Variants in ITGA7 observed in about 807,000 individuals in gnomAD.
ITGA7 encodes the protein integrin alpha-7.
A neutral mutation model predicts 131.6 loss-of-function variants in ITGA7; 84 were observed. The ratio of observed to expected loss-of-function variants is 0.64; its 90% CI spans 0.54 to 0.77. The LOEUF (loss-of-function observed/expected upper bound fraction) is 0.77. Ranked by LOEUF, ITGA7 falls within the 30% of genes least tolerant of loss-of-function variation. The probability of loss-of-function intolerance (pLI) is 0.00; values close to 1 mark genes in which losing one functional copy is unlikely to be tolerated. For synonymous variants in ITGA7, 548 were observed against 600.7 expected, an observed-to-expected ratio of 0.91 and a Z score of 1.28; for missense variants, 1,399 against 1,482.9, an observed-to-expected ratio of 0.94 and a Z score of 0.93.
chr12:55,711,477 C>CAAAA (rs34371136), upstream of ITGA7, among the ~76,000 whole-genome samples: 2 of 139,658 alleles, frequency 1.4e-5, no homozygotes, highest in Non-Finnish European at 1.6e-5. Context: ...GACTCTGCCT[C>CAAAA]AAAAAAAAAA....
At chr12:55,689,277 G>A (rs754612894) in intron 21 of ITGA7, among the ~76,000 whole-genome samples, 11 of 152,156 alleles carry the variant, frequency 7.2e-5, no homozygotes, top group Non-Finnish European at 8.8e-5. Flanking sequence ...CTTAAGCTTC[G>A]CAATAGTCCT....
chr12:55,695,043 C>T, intron 14 of ITGA7, 73 bp from the exon 15 acceptor site: 1 of 1,450,808 alleles, frequency 6.9e-7, no homozygotes, highest in South Asian at 1.2e-5. Context: ...AGTCTGCTCC[C>T]CCAGTACCTG....
In ITGA7 at chr12:55,697,199, G is replaced by A. The variant is rs779675449; in HGVS notation, c.1567+17C>T. The A allele has an allele frequency of 6.3e-6, 10 of 1,591,048 alleles. No homozygotes were observed. In the South Asian group the frequency reaches 1.0e-4, roughly 16 times the overall value. On this transcript the variant is annotated intron_variant, in intron 11 of 24. Transcript: ENST00000257879. ...GAAACCCAAAAGGGCGAGCCACAGA[G>A]GGGGGACCGCACTCACCCACAGTAG...
intron 19 of ITGA7, 50 bp from the exon 20 acceptor site, chr12:55,693,367 T>C (rs774528724): frequency 3.3e-6 from 5 of 1,524,844 alleles, no homozygotes; most frequent in Admixed American, 1.8e-5. Context: ...TTTCTTTTTT[T>C]TTTTTTTTTA....
In ITGA7 at chr12:55,701,023, C is replaced by CT; in HGVS notation, c.545dup (p.Phe183ValfsTer3). On this transcript the variant is annotated frameshift_variant, in exon 4 of 25. Coordinates refer to ENST00000257879, the MANE Select transcript of ITGA7 (RefSeq NM_002206.3). LOFTEE classifies it high-confidence loss of function. ...GGCCTTGGGGGCGTCCCTCACAGAACTTCCATTCCCCACCATCCAACTCAT... is the reference window on the plus strand; with the variant it reads ...GGCCTTGGGGGCGTCCCTCACAGAACTTTCCATTCCCCACCATCCAACTCAT... 2 of 1,614,222 alleles carry CT rather than the reference C, an allele frequency of 1.2e-6. No homozygotes were observed. The highest frequency in any genetic ancestry group is 1.7e-6 in the Non-Finnish European group (2 of 1,180,038).
intron 7 of ITGA7, 75 bp from the exon 8 acceptor site, chr12:55,698,101 A>G (rs1873064492): frequency 3.0e-6 from 4 of 1,324,376 alleles, no homozygotes; most frequent in South Asian, 2.4e-5. Flanking sequence ...AACTCCCCCC[A>G]GTCACTCAGG....
rs1869750779 is a variant in ITGA7 at position 55,685,030 on chromosome 12, G to C, written c.*28C>G. On this transcript the variant is annotated 3_prime_UTR_variant, in exon 25 of 25. Coordinates refer to ENST00000257879, the MANE Select transcript of ITGA7 (RefSeq NM_002206.3). ...ATCTCTGGGGAAGGGATGGAGGGCA[G>C]CCACAGGCCAGGCTGGGACATGGGA... is the stretch of plus-strand genomic sequence containing the variant. The C allele has an allele frequency of 6.5e-7, 1 of 1,533,126 alleles. No individual in the cohort carries two copies. The highest frequency in any genetic ancestry group is 1.9e-4 in the Middle Eastern group (1 of 5,204). 95.0% of individuals were successfully genotyped at this position (1,533,126 alleles called of 1,614,324 possible). A position where few individuals can be genotyped will look rare whatever the true frequency, so the allele number is the denominator to read the frequency against.
intron 4 of ITGA7, 166 bp from the exon 5 acceptor site, chr12:55,700,155 C>T (rs1873649651): frequency 1.4e-6 from 2 of 1,428,592 alleles, no homozygotes; most frequent in Middle Eastern, 2.0e-4. Flanking sequence ...CAGAGAGAGA[C>T]AAGGTGAGAG....
chr12:55,702,271 T>C (rs964285926), intron 3 of ITGA7, among the ~76,000 whole-genome samples: 4 of 151,612 alleles, frequency 2.6e-5, no homozygotes, highest in Middle Eastern at 3.4e-3. Flanking sequence ...GCTCCGCCTC[T>C]CCGGTTCACG....
At position 55,700,944 on chromosome 12, in the gene ITGA7, T is replaced by A; in HGVS notation, c.625A>T (p.Ser209Cys). The change falls in exon 4 of 25, where the codon AGC becomes TGC. Residue 209 changes from serine (S) to cysteine (C), a missense_variant. Transcript: ENST00000257879. ...GGGGCCCCAAAGAGGAGGTAGTGGC[T>A]ATCAGGGGAGAAGGCGGCAGCTGTG... The part of the protein sequence containing the change: ...QGTAAAFSPD[S>C]HYLLFGAPGT... The A allele has an allele frequency of 1.9e-6, 3 of 1,614,210 alleles. No homozygotes were observed. Among genetic ancestry groups the A allele is most frequent in the Non-Finnish European group, 2.5e-6 (3 of 1,180,026 alleles).
At position 55,694,778 on chromosome 12, in the gene ITGA7, C is replaced by T. The variant is rs778202604; in HGVS notation, c.2196G>A (p.Ala732=). The T allele has an allele frequency of 2.0e-5, 32 of 1,613,962 alleles. No homozygotes were observed. Among genetic ancestry groups the T allele is most frequent in the South Asian group, 1.2e-4 (11 of 91,074 alleles). ...HYSGVRALDP[A]EKPLCLSNEN... Reference sequence around the variant, plus strand: ...CCCCATCCTGCCCCCAGGTCCTCACCGCAGGGTCCAGGGCCCGGACCCCTG... The same window carrying T: ...CCCCATCCTGCCCCCAGGTCCTCACTGCAGGGTCCAGGGCCCGGACCCCTG... Residue 732 remains alanine, a splice_region_variant and synonymous_variant, in exon 15 of 25, where the codon GCG becomes GCA. Coordinates refer to ENST00000257879, the MANE Select transcript of ITGA7 (RefSeq NM_002206.3). This position sits in a 1 kb window ranked among gnomAD's most constrained non-coding sequence, Gnocchi z 5.3.
At chr12:55,710,373 A>G (rs1055501138), upstream of ITGA7, among the ~76,000 whole-genome samples, 1 of 151,234 alleles carries the variant, frequency 6.6e-6, no homozygotes, top group Non-Finnish European at 1.5e-5. Flanking sequence ...AAAGAAAAAA[A>G]AAAGAAACTA....
Position 55,707,625 on chromosome 12 carries a change from C to A in ITGA7, c.58G>T (p.Gly20Cys). ...WGASGICYLF[G>C]SLLVELLFSR... ...AAGAGCAGTTCGACGAGCAGGGAGC[C>A]AAAAAGGTAGCAAATCCCGGAGGCC... Residue 20 changes from glycine (G) to cysteine (C), a missense_variant, in exon 1 of 25, where the codon GGC becomes TGC. Transcript: ENST00000257879. The A allele has an allele frequency of 6.2e-7, 1 of 1,609,712 alleles. No individual in the cohort carries two copies. Among genetic ancestry groups the A allele is most frequent in the Non-Finnish European group, 8.5e-7 (1 of 1,178,020 alleles).
intron 14 of ITGA7, 25 bp downstream of exon 14, chr12:55,695,497 C>A: frequency 7.9e-7 from 1 of 1,259,136 alleles, no homozygotes; most frequent in South Asian, 1.2e-5. Flanking sequence ...CCTCCCACCC[C>A]CACCCTGCTC....
At chr12:55,689,582 A>C (rs1355576990) in intron 21 of ITGA7, among the ~76,000 whole-genome samples, 2 of 152,228 alleles carry the variant, frequency 1.3e-5, no homozygotes, top group African/African-American at 4.8e-5. Flanking sequence ...CATTTGCCTG[A>C]AAGTTATGTT....
intron 1 of ITGA7, among the ~76,000 whole-genome samples, chr12:55,707,206 A>T (rs892636818): frequency 1.3e-5 from 2 of 152,142 alleles, no homozygotes; most frequent in Non-Finnish European, 2.9e-5. Context: ...AAGTTGGGGG[A>T]AAGGCCCAGA....
In ITGA7 at chr12:55,685,124, G is replaced by C. The variant is rs376336569; in HGVS notation, c.3348C>G (p.Pro1116=). ...SPRREGPDAH[P]ILAADGHPEL... is the part of the protein sequence containing the mutation. ...CGGGATGCCCGTCAGCAGCCAGGAT[G>C]GGGTGTGCATCCGGGCCCTCCCGCC... The change falls in exon 25 of 25, where the codon CCC becomes CCG. Residue 1116 remains proline (P), a synonymous_variant. Transcript: ENST00000257879. 35 of 1,612,750 alleles carry C rather than the reference G, an allele frequency of 2.2e-5. No individual in the cohort carries two copies. The highest frequency in any genetic ancestry group is 2.8e-5 in the Non-Finnish European group (33 of 1,179,934).
Position 55,696,161 on chromosome 12 carries a change from G to C in ITGA7, c.1887+122C>G. On this transcript the variant is annotated intron_variant, in intron 13 of 24. Coordinates refer to ENST00000257879, the MANE Select transcript of ITGA7 (RefSeq NM_002206.3). Reference sequence around the variant, plus strand: ...TCATTTAGGCACCTAGAGATATGAGGAATTACTGGAGTAGCATACGTGAAA... The same window carrying C: ...TCATTTAGGCACCTAGAGATATGAGCAATTACTGGAGTAGCATACGTGAAA... 3.8e-6 allele frequency: 4 copies of C among 1,058,050 alleles called. No homozygotes were observed. In the South Asian group the frequency reaches 5.6e-5, roughly 15 times the overall value. The allele number at this position is 1,058,050 out of a possible 1,614,324, so 65.5% of individuals were successfully genotyped here. A position where few individuals can be genotyped will look rare whatever the true frequency, so the allele number is the denominator to read the frequency against.
At chr12:55,700,834 CA>C in intron 4 of ITGA7, 64 bp downstream of exon 4, 2 of 1,607,782 alleles carry the variant, frequency 1.2e-6, no homozygotes, top group Non-Finnish European at 1.7e-6. Flanking sequence ...GTGCCATCCC[CA>C]ACCCTGTCTC....
Sources: allele counts gnomAD v4.1 joint callset (sites outside exome capture counted in the v4.1 genomes callset), GRCh38; gene constraint gnomAD v4.1.1; non-coding constraint Gnocchi (gnomAD v3.1); transcripts MANE v1.5; gene names NCBI Gene and HGNC (gene_info 2026-07-23, HGNC 2026-07-21).